TRAK1: variants seen among roughly 807,000 people sequenced by gnomAD.
TRAK1 encodes the protein trafficking kinesin protein 1.
TRAK1 carries 33 observed loss-of-function variants against 92.1 expected under a neutral mutation model. That is an observed-to-expected ratio of 0.36 (90% CI 0.27 to 0.48). The LOEUF (loss-of-function observed/expected upper bound fraction) is 0.48. TRAK1 is among the 20% of genes least tolerant of loss of function. The probability of loss-of-function intolerance (pLI) is 0.99; values close to 1 mark genes in which losing one functional copy is unlikely to be tolerated. For synonymous variants in TRAK1, 521 were observed against 517.3 expected (o/e 1.01, Z -0.10); for missense variants, 1,123 against 1,257.9 (o/e 0.89, Z 1.62).
At chr3:42,038,825 G>C (rs1230643940) in intron 1 of TRAK1, among the ~76,000 whole-genome samples, 1 of 89,952 alleles carries the variant, frequency 1.1e-5, no homozygotes, top group Non-Finnish European at 2.0e-5. Context: ...TTTTTTTTTG[G>C]TAGAGACAGT....
intron 4 of TRAK1, 107 bp downstream of exon 4, chr3:42,184,908 C>T (rs1366372275): frequency 1.8e-6 from 2 of 1,108,390 alleles, no homozygotes; most frequent in Non-Finnish European, 2.7e-6. Flanking sequence ...GAAGGACGCT[C>T]CCGAGGGCAC....
chr3:42,129,182 G>A (rs1018135021), intron 2 of TRAK1, among the ~76,000 whole-genome samples: 2 of 152,170 alleles, frequency 1.3e-5, no homozygotes, highest in African/African-American at 4.8e-5. Flanking sequence ...GGTTTCGTGT[G>A]TTTGTTTACA....
At chr3:42,151,310 C>G (rs1258211766) in intron 2 of TRAK1, 9 of 455,942 alleles carry the variant, frequency 2.0e-5, no homozygotes, top group Non-Finnish European at 4.0e-5. Context: ...ATCTGGGTAT[C>G]CATCAGAAGG....
At chr3:42,105,954 C>T (rs1430148913) in intron 1 of TRAK1, among the ~76,000 whole-genome samples, 1 of 152,168 alleles carries the variant, frequency 6.6e-6, no homozygotes, top group Non-Finnish European at 1.5e-5. Context: ...AAATCCTCTA[C>T]AGACAAACAA....
rs1311467586 is a variant in TRAK1 at position 42,213,501 on chromosome 3, A to G, written c.1963+3516A>G. Among the ~76,000 whole-genome samples, 3 of 152,258 alleles carry G rather than the reference A, an allele frequency of 2.0e-5. No homozygotes were observed. The East Asian group carries it at 5.8e-4, about 29-fold the overall frequency. ...TTCTTTCGTTGCCTCCTTGTTTGAT[A>G]CATAGGCCCAAGGTCAGGAGCAGTG... On this transcript the variant is annotated intron_variant, in intron 14 of 15. Coordinates refer to ENST00000327628, the MANE Select transcript of TRAK1 (RefSeq NM_001042646.3).
intron 2 of TRAK1, among the ~76,000 whole-genome samples, chr3:42,146,900 T>C (rs1186146495): frequency 6.6e-6 from 1 of 152,234 alleles, no homozygotes; most frequent in East Asian, 1.9e-4. Flanking sequence ...TTGTTGGACC[T>C]TCCCCACCCT....
intron 3 of TRAK1, 31 bp downstream of exon 3, chr3:42,176,921 G>C: frequency 9.4e-6 from 15 of 1,593,258 alleles, no homozygotes; most frequent in Non-Finnish European, 1.3e-5. Context: ...CAAAAGAGTT[G>C]TTTATAATTG....
At chr3:42,051,505 A>G (rs894039225) in intron 1 of TRAK1, 1 of 152,388 alleles carries the variant, frequency 6.6e-6, no homozygotes, top group East Asian at 1.9e-4. Context: ...TTTTCCACCA[A>G]GGTGGGGATG....
chr3:42,198,729 A>G (rs1429430258), intron 10 of TRAK1, among the ~76,000 whole-genome samples: 1 of 152,136 alleles, frequency 6.6e-6, no homozygotes, highest in Non-Finnish European at 1.5e-5. Context: ...CCTGTAGACT[A>G]GGGGGACAAT....
At chr3:42,083,879 TAAATAAATA>T (rs200850952), upstream of TRAK1, among the ~76,000 whole-genome samples, 1,134 of 151,674 alleles carry the variant, frequency 7.5e-3, 49 homozygotes, top group East Asian at 0.12. Context: ...TTTAAAAAAA[TAAATAAATA>T]AAATAAATAA....
intron 14 of TRAK1, chr3:42,212,402 G>A: frequency 5.1e-6 from 5 of 985,404 alleles, no homozygotes; most frequent in Non-Finnish European, 6.0e-6. Flanking sequence ...TATGATAGAA[G>A]GAAATTGGGA....
chr3:42,202,800 C>G lies in TRAK1; in HGVS notation c.1744+48C>G, dbSNP rs765584889. ...CCTCTCTGTCCTCCTGGGGGACTCC[C>G]TTTGGTCCCTGATCCACCTGCGGAA... On this transcript the variant is annotated intron_variant, in intron 13 of 15. Coordinates refer to ENST00000327628, the MANE Select transcript of TRAK1 (RefSeq NM_001042646.3). This position sits in a 1 kb window ranked among gnomAD's most constrained non-coding sequence, Gnocchi z 6.1. 4 of 1,601,564 alleles carry G rather than the reference C, an allele frequency of 2.5e-6. No individual in the cohort carries two copies. Among genetic ancestry groups the G allele is most frequent in the Non-Finnish European group, 3.4e-6 (4 of 1,171,024 alleles).
chr3:42,108,082 G>T (rs1707838950), intron 1 of TRAK1, among the ~76,000 whole-genome samples: 1 of 152,080 alleles, frequency 6.6e-6, no homozygotes, highest in African/African-American at 2.4e-5. Flanking sequence ...TCATTTTGCA[G>T]CAGGGGAGGC....
intron 2 of TRAK1, 89 bp downstream of exon 2, chr3:42,125,703 C>T: frequency 7.0e-7 from 1 of 1,434,762 alleles, no homozygotes; most frequent in South Asian, 1.4e-5. Flanking sequence ...TACTGGCTAC[C>T]CTGTGATGTG....
intron 1 of TRAK1, among the ~76,000 whole-genome samples, chr3:42,047,386 G>A (rs151091515): frequency 0.024 from 3,588 of 148,024 alleles, 68 homozygotes; most frequent in Non-Finnish European, 0.038. Context: ...TTAACTTTTT[G>A]TAGAGATGGG....
intron 1 of TRAK1, among the ~76,000 whole-genome samples, chr3:42,054,448 C>T (rs542484853): frequency 2.0e-5 from 3 of 152,216 alleles, no homozygotes; most frequent in South Asian, 2.1e-4. Context: ...GATAGGAAGC[C>T]GTAGGTGAGT....
chr3:42,222,551 A>G (rs1259020906), intron 15 of TRAK1, among the ~76,000 whole-genome samples: 2 of 152,242 alleles, frequency 1.3e-5, no homozygotes, highest in African/African-American at 2.4e-5. Context: ...TGGTGGAGAA[A>G]GAATGCCTCT....
intron 1 of TRAK1, among the ~76,000 whole-genome samples, chr3:42,037,891 G>A (rs577152770): frequency 2.6e-5 from 4 of 152,298 alleles, no homozygotes; most frequent in East Asian, 3.9e-4. Flanking sequence ...CAGTGACCCC[G>A]GAGTGGAGCC....
At chr3:42,013,225 G>A (rs774858949), upstream of TRAK1, among the ~76,000 whole-genome samples, 1 of 152,166 alleles carries the variant, frequency 6.6e-6, no homozygotes, top group African/African-American at 2.4e-5. The surrounding 1 kb of genome is among the most constrained non-coding windows in gnomAD (Gnocchi z 5.1). Context: ...TTAAGCCTAA[G>A]GGCGGCTTTG....
Sources: allele counts gnomAD v4.1 joint callset (sites outside exome capture counted in the v4.1 genomes callset), GRCh38; gene constraint gnomAD v4.1.1; non-coding constraint Gnocchi (gnomAD v3.1); transcripts MANE v1.5; gene names NCBI Gene and HGNC (gene_info 2026-07-23, HGNC 2026-07-21).